Variants in ST8SIA1 observed in about 807,000 individuals in gnomAD.
ST8SIA1 encodes ST8 alpha-N-acetyl-neuraminide alpha-2,8-sialyltransferase 1, also known as alpha-N-acetylneuraminide alpha-2,8-sialyltransferase.
In ST8SIA1, 16 loss-of-function variants were observed where a neutral mutation model predicts 35.9. The observed-to-expected ratio is 0.45, with a 90% CI of 0.30 to 0.68. The LOEUF is 0.68. Ranked by LOEUF, ST8SIA1 falls within the 30% of genes least tolerant of loss-of-function variation. The pLI, the probability that ST8SIA1 is intolerant of heterozygous loss-of-function variation, is 0.09. For missense variants in ST8SIA1, 383 were observed against 453.6 expected (o/e 0.84, Z 1.41); for synonymous variants, 170 against 169.6 (o/e 1.00, Z -0.02).
intron 1 of ST8SIA1, among the ~76,000 whole-genome samples, chr12:22,306,888 C>T (rs1268412175): frequency 2.0e-5 from 3 of 151,964 alleles, no homozygotes; most frequent in Non-Finnish European, 4.4e-5. Context: ...GAGTGATTTC[C>T]TAAACATTAT....
In ST8SIA1 at chr12:22,199,950, C is replaced by T. The variant is rs986716796; in HGVS notation, c.*1602G>A. ...AGTATGAAGACAACGAGAGGCTTCCCTTACCCTTCTCTGAAATGTAAACAC... is the reference window on the plus strand; with the variant it reads ...AGTATGAAGACAACGAGAGGCTTCCTTTACCCTTCTCTGAAATGTAAACAC... On this transcript the variant is annotated 3_prime_UTR_variant, in exon 5 of 5. Coordinates refer to ENST00000396037, the MANE Select transcript of ST8SIA1 (RefSeq NM_003034.4). 1.3e-5 allele frequency: 2 copies of T among 152,218 alleles called. No homozygotes were observed. The highest frequency in any genetic ancestry group is 3.8e-4 in the East Asian group (2 of 5,198). 9.4% of individuals were successfully genotyped at this position (152,218 alleles called of 1,614,324 possible). A position where few individuals can be genotyped will look rare whatever the true frequency, so the allele number is the denominator to read the frequency against.
chr12:22,298,291 A>G (rs906307344), intron 1 of ST8SIA1, among the ~76,000 whole-genome samples: 1 of 152,298 alleles, frequency 6.6e-6, no homozygotes, highest in South Asian at 2.1e-4. Context: ...ATTTATAGCC[A>G]GTCAGTCAGA....
Position 22,196,468 on chromosome 12 carries a change from A to G in ST8SIA1, c.*5084T>C, listed in dbSNP as rs1864989735. ...TATCCATTTTCTTATGATAGAAGGG[A>G]AAAAAAGCTACAGCAATTATAGATT... On this transcript the variant is annotated 3_prime_UTR_variant, in exon 5 of 5. Transcript: ENST00000396037. 9 of 152,182 alleles carry G rather than the reference A, an allele frequency of 5.9e-5. No homozygotes were observed. The highest frequency in any genetic ancestry group is 5.9e-4 in the Admixed American group (9 of 15,280). The allele number at this position is 152,182 out of a possible 1,614,324, so 9.4% of individuals were successfully genotyped here.
At chr12:22,288,295 C>T (rs555876393) in intron 1 of ST8SIA1, among the ~76,000 whole-genome samples, 4 of 152,272 alleles carry the variant, frequency 2.6e-5, no homozygotes, top group East Asian at 3.9e-4. Context: ...TGAAAGGGGA[C>T]GGTGGAGTGG....
chr12:22,270,134 T>C (rs1417642127), intron 2 of ST8SIA1, among the ~76,000 whole-genome samples: 2 of 152,228 alleles, frequency 1.3e-5, no homozygotes, highest in African/African-American at 4.8e-5. Context: ...TTTGTAGATG[T>C]TAGCTTCAAC....
intron 4 of ST8SIA1, among the ~76,000 whole-genome samples, chr12:22,232,771 G>A (rs149039780): frequency 2.6e-3 from 393 of 152,098 alleles, no homozygotes; most frequent in African/African-American, 8.6e-3. Context: ...CCCGGGAGGC[G>A]GAGGTTGCAG....
chr12:22,229,437 G>A (rs1050102635), intron 4 of ST8SIA1, among the ~76,000 whole-genome samples: 1 of 151,720 alleles, frequency 6.6e-6, no homozygotes, highest in African/African-American at 2.4e-5. Flanking sequence ...GGCAACATAG[G>A]GAGAACTTGT....
At chr12:22,278,538 A>T (rs1156450136) in intron 2 of ST8SIA1, among the ~76,000 whole-genome samples, 2 of 152,220 alleles carry the variant, frequency 1.3e-5, no homozygotes, top group African/African-American at 2.4e-5. Flanking sequence ...ATTAGACCCA[A>T]GATGTATATA....
At position 22,304,519 on chromosome 12, in the gene ST8SIA1, C is replaced by A. The variant is rs193062563; in HGVS notation, c.237-17226G>T. 3.7e-4 allele frequency among the ~76,000 whole-genome samples: 57 copies of A among 152,098 alleles called. 2 individuals carry two copies. The highest frequency in any genetic ancestry group is 1.3e-3 in the African/African-American group (56 of 41,504). On this transcript the variant is annotated intron_variant, in intron 1 of 4. Coordinates refer to ENST00000396037, the MANE Select transcript of ST8SIA1 (RefSeq NM_003034.4). ...TGCCAGACTCCCTTTGGGGGAGAAA[C>A]CGGTTTTTCCTTATGGAATCCCAAG... is the stretch of plus-strand genomic sequence containing the variant.
chr12:22,253,734 T>C (rs1021257027), intron 3 of ST8SIA1, among the ~76,000 whole-genome samples: 3 of 152,090 alleles, frequency 2.0e-5, no homozygotes, highest in Admixed American at 1.3e-4. Flanking sequence ...TTTGTTCACG[T>C]TGAAAAGAAA....
At chr12:22,329,879 C>T (rs1431925049) in intron 1 of ST8SIA1, among the ~76,000 whole-genome samples, 4 of 152,174 alleles carry the variant, frequency 2.6e-5, no homozygotes, top group Admixed American at 6.5e-5. Context: ...CTTCCCAAAC[C>T]CACTGGTAAC....
intron 4 of ST8SIA1, among the ~76,000 whole-genome samples, chr12:22,217,478 T>C (rs1865247202): frequency 6.6e-6 from 1 of 152,220 alleles, no homozygotes; most frequent in Non-Finnish European, 1.5e-5. Context: ...ATATAGATGA[T>C]GGTCTCAAAT....
chr12:22,235,479 A>G (rs1227138525), intron 4 of ST8SIA1, among the ~76,000 whole-genome samples: 1 of 152,234 alleles, frequency 6.6e-6, no homozygotes, highest in East Asian at 1.9e-4. Flanking sequence ...CATGAGGATA[A>G]TGAAGAAAGT....
At chr12:22,266,002 C>T (rs1865843753) in intron 2 of ST8SIA1, among the ~76,000 whole-genome samples, 1 of 152,110 alleles carries the variant, frequency 6.6e-6, no homozygotes, top group African/African-American at 2.4e-5. Context: ...TCATTCTTTT[C>T]TACCAGCTGG....
chr12:22,271,518 C>A (rs760158411), intron 2 of ST8SIA1, among the ~76,000 whole-genome samples: 20 of 152,226 alleles, frequency 1.3e-4, no homozygotes, highest in African/African-American at 3.1e-4. Context: ...GGGTACTGAA[C>A]CTTTCTTAGC....
intron 4 of ST8SIA1, among the ~76,000 whole-genome samples, chr12:22,216,191 T>C (rs1280277918): frequency 6.6e-6 from 1 of 152,214 alleles, no homozygotes. Flanking sequence ...GATCGGTCTC[T>C]AACGCATAAT....
At chr12:22,321,023 AAAGAAAGAAAGAGAAAGAG>A (rs1565596078) in intron 1 of ST8SIA1, among the ~76,000 whole-genome samples, 2 of 102,692 alleles carry the variant, frequency 1.9e-5, no homozygotes, top group Non-Finnish European at 4.1e-5. Flanking sequence ...AGAAAGAAAG[AAAGAAAGAAAGAGAAAGAG>A]AAAGAAAAGA....
At chr12:22,269,173 C>T (rs1242635726) in intron 2 of ST8SIA1, among the ~76,000 whole-genome samples, 1 of 151,898 alleles carries the variant, frequency 6.6e-6, no homozygotes, top group South Asian at 2.1e-4. Flanking sequence ...TAGGAAAATA[C>T]ATGCTTTAGG....
rs1864995039 is a variant in ST8SIA1 at position 22,196,842 on chromosome 12, C to T, written c.*4710G>A. ...TTAAGGCAGTGTAAAATTTTGAGGT[C>T]CTCAGCGAATTTCCACACTACCTCT... On this transcript the variant is annotated 3_prime_UTR_variant, in exon 5 of 5. Coordinates refer to ENST00000396037, the MANE Select transcript of ST8SIA1 (RefSeq NM_003034.4). 6.6e-6 allele frequency: 1 copy of T among 152,168 alleles called. No individual in the cohort carries two copies. The highest frequency in any genetic ancestry group is 1.5e-5 in the Non-Finnish European group (1 of 68,054). The allele number at this position is 152,168 out of a possible 1,614,324, so 9.4% of individuals were successfully genotyped here.
Sources: gnomAD v4.1 joint callset for allele counts (sites outside exome capture counted in the v4.1 genomes callset) on GRCh38, gnomAD v4.1.1 for gene constraint, MANE v1.5 for transcripts, NCBI Gene and HGNC (gene_info 2026-07-23, HGNC 2026-07-21) for gene names.